Variants in FDXR observed in about 807,000 individuals in gnomAD.
The protein encoded by FDXR is ferredoxin reductase.
FDXR carries 38 observed loss-of-function variants against 58.3 expected under a neutral mutation model. The observed-to-expected ratio is 0.65, with a 90% CI of 0.50 to 0.85. FDXR has a LOEUF of 0.85. Among genes scored for constraint, FDXR ranks in the 40% least tolerant of loss-of-function variants. The pLI is 0.00. For missense variants in FDXR, 624 were observed against 671.0 expected, an observed-to-expected ratio of 0.93 and a Z score of 0.77; for synonymous variants, 275 against 273.8, an observed-to-expected ratio of 1.00 and a Z score of -0.04.
At chr17:74,872,699 G>T (rs1391976614) in intron 1 of FDXR, 167 bp downstream of exon 1, 11 of 1,427,886 alleles carry the variant, frequency 7.7e-6, no homozygotes, top group Non-Finnish European at 1.0e-5. Context: ...CACATCTCAC[G>T]CACAGATCTC....
chr17:74,872,888 C>T lies in FDXR; in HGVS notation c.57G>A (p.Leu19=), dbSNP rs2038421722. 6.5e-7 allele frequency: 1 copy of T among 1,550,376 alleles called. No individual in the cohort carries two copies. The change falls in exon 1 of 12, where the codon CTG becomes CTA. Residue 19 remains leucine, a synonymous_variant. Coordinates refer to ENST00000293195, the MANE Select transcript of FDXR (RefSeq NM_024417.5). ...WGWSAWPRTR[L]PPAGSTPSFC... is the part of the protein sequence containing the mutation. ...TACTCGGGGTGCTCCCGGCGGGAGGCAGCCGGGTCCGAGGCCACGCCGACC... is the reference window on the plus strand; with the variant it reads ...TACTCGGGGTGCTCCCGGCGGGAGGTAGCCGGGTCCGAGGCCACGCCGACC...
Position 74,872,639 on chromosome 17 carries a change from A to C in FDXR, c.79+227T>G, listed in dbSNP as rs1023262981. The C allele has an allele frequency of 5.2e-6, 5 of 953,848 alleles. No homozygotes were observed. In the African/African-American group the frequency reaches 6.6e-5, roughly 13 times the overall value. 59.1% of individuals were successfully genotyped at this position (953,848 alleles called of 1,614,324 possible). ...CCCGTCTCACACCTGTAGATCTCAA[A>C]GTCTCTCCTTTTCACCTTTGTTGAC... On this transcript the variant is annotated intron_variant, in intron 1 of 11. Coordinates refer to ENST00000293195, the MANE Select transcript of FDXR (RefSeq NM_024417.5).
rs905714734 is a variant in FDXR, at chr17:74,868,517, C to T, written c.178-1641G>A. 4.1e-6 allele frequency: 6 copies of T among 1,451,906 alleles called. No individual in the cohort carries two copies. In the African/African-American group the frequency reaches 5.6e-5, roughly 14 times the overall value. 89.9% of individuals were successfully genotyped at this position (1,451,906 alleles called of 1,614,324 possible). A position where few individuals can be genotyped will look rare whatever the true frequency, so the allele number is the denominator to read the frequency against. On this transcript the variant is annotated intron_variant, in intron 2 of 11. Transcript: ENST00000293195. ...CAGCATAAAGTTCAAACTGCTCGGC[C>T]TAGAGGTCAACACCTCACCCAACCA... is the stretch of plus-strand genomic sequence containing the variant.
At chr17:74,868,550 T>C in intron 2 of FDXR, 1 of 1,532,980 alleles carries the variant, frequency 6.5e-7, no homozygotes, top group South Asian at 1.2e-5. Context: ...CCAACCTCTC[T>C]GTCCTTATCT....
intron 2 of FDXR, chr17:74,868,653 C>G: frequency 6.5e-7 from 1 of 1,535,606 alleles, no homozygotes; most frequent in Admixed American, 2.0e-5. Context: ...ATGTTCTTAC[C>G]CCTTATCTCT....
In FDXR at chr17:74,862,863, TC is replaced by T. The variant is rs1452329282; in HGVS notation, c.1429del (p.Glu477ArgfsTer47). The T allele has an allele frequency of 1.9e-6, 3 of 1,613,052 alleles. No homozygotes were observed. Among genetic ancestry groups the T allele is most frequent in the Non-Finnish European group, 2.5e-6 (3 of 1,179,978 alleles). On this transcript the variant is annotated frameshift_variant, in exon 12 of 12. Coordinates refer to ENST00000293195, the MANE Select transcript of FDXR (RefSeq NM_024417.5). LOFTEE classifies it high-confidence loss of function. ...CATCTCCTGAGGATCCACCAGCTTC[TC>T]CCTGGGCTTCCCCGTGCCCTGGCCC... is the stretch of plus-strand genomic sequence containing the variant. ...ARGQGTGKPR[E>X]KLVDPQEMLR... is the part of the protein sequence containing the mutation.
rs1427849869 is a variant in FDXR, at chr17:74,862,936, C to A, written c.1357G>T (p.Val453Phe). The A allele has an allele frequency of 5.0e-6, 8 of 1,612,102 alleles. No individual in the cohort carries two copies. In the East Asian group the frequency reaches 1.8e-4, roughly 36 times the overall value. ...ALLSSRGVRP[V>F]SFSDWEKLDA... is the part of the protein sequence containing the mutation. ...AGCTTCTCCCAGTCTGAGAAAGAGA[C>A]TGGCCGGACCCCTGAAGCAGAGGGG... Residue 453 changes from valine to phenylalanine, a missense_variant, in exon 12 of 12, where the codon GTC (valine) becomes TTC (phenylalanine). Transcript: ENST00000293195.
In FDXR at chr17:74,866,894, G is replaced by GGGGA. The variant is rs2038208073; in HGVS notation, c.178-19_178-18insTCCC. ...TGGGGGTGCTGCTGGGGAACAGGGT[G>GGGGA]GCAGCTGGTGGGGCCGAGAGAGAGA... On this transcript the variant is annotated intron_variant, in intron 2 of 11. Coordinates refer to ENST00000293195, the MANE Select transcript of FDXR (RefSeq NM_024417.5). 6 of 1,611,806 alleles carry GGGGA rather than the reference G, an allele frequency of 3.7e-6. No individual in the cohort carries two copies. Among genetic ancestry groups the GGGGA allele is most frequent in the Non-Finnish European group, 5.1e-6 (6 of 1,179,016 alleles).
chr17:74,866,608 G>C (rs1181129102), intron 3 of FDXR, 40 bp from the exon 4 acceptor site: 1 of 1,612,938 alleles, frequency 6.2e-7, no homozygotes, highest in South Asian at 1.1e-5. Flanking sequence ...TAGAGGGTAA[G>C]GCAGCTCCAG....
chr17:74,863,394 T>G (rs1598512171), intron 10 of FDXR, 148 bp from the exon 11 acceptor site: 1 of 756,268 alleles, frequency 1.3e-6, no homozygotes, highest in Non-Finnish European at 2.1e-6. Context: ...TGGCCGCTGG[T>G]CCACTGCCCT....
At chr17:74,863,817 T>G in intron 10 of FDXR, 79 bp downstream of exon 10, 1 of 1,517,918 alleles carries the variant, frequency 6.6e-7, no homozygotes, top group East Asian at 2.3e-5. Context: ...GCTAGATGAA[T>G]GAACGCATGG....
intron 2 of FDXR, chr17:74,868,714 C>T: frequency 6.6e-7 from 1 of 1,525,482 alleles, no homozygotes; most frequent in Non-Finnish European, 8.8e-7. Flanking sequence ...TCCCTCCCTC[C>T]TGTCCCTCTA....
At chr17:74,866,410 C>G in intron 4 of FDXR, 36 bp downstream of exon 4, 1 of 1,609,218 alleles carries the variant, frequency 6.2e-7, no homozygotes, top group Non-Finnish European at 8.5e-7. Context: ...CTTCTGCAGC[C>G]CCTGCCTCCC....
chr17:74,864,550 C>A lies in FDXR; in HGVS notation c.732G>T (p.Met244Ile). ...TGGGCCGGGCTCCCGGTAACTGAAT[C>A]ATCTCCCGAAGCTCCTTGAAGGTGG... ...VAFTIKELRE[M>I]IQLPGARPIL... The change falls in exon 8 of 12, where the codon ATG becomes ATT. Residue 244 changes from methionine to isoleucine, a missense_variant. Met to Ile is a conservative substitution (Grantham distance 10, BLOSUM62 1). Transcript: ENST00000293195. The A allele has an allele frequency of 6.2e-7, 1 of 1,614,052 alleles. No individual in the cohort carries two copies. The highest frequency in any genetic ancestry group is 1.1e-5 in the South Asian group (1 of 91,042).
intron 8 of FDXR, 57 bp downstream of exon 8, chr17:74,864,423 C>T: frequency 1.2e-6 from 2 of 1,609,512 alleles, no homozygotes; most frequent in Non-Finnish European, 1.7e-6. Flanking sequence ...CCCAATCCCT[C>T]TCTGACCTAG....
intron 2 of FDXR, 62 bp downstream of exon 2, chr17:74,871,974 G>C: frequency 7.5e-7 from 1 of 1,337,572 alleles, no homozygotes; most frequent in South Asian, 1.4e-5. Flanking sequence ...CCCAAAGCGG[G>C]TGAGGCTTGC....
Position 74,864,041 on chromosome 17 carries a change from C to T in FDXR, c.1029G>A (p.Val343=), listed in dbSNP as rs1443590443. Residue 343 remains valine, a synonymous_variant, in exon 10 of 12, where the codon GTG becomes GTA. Coordinates refer to ENST00000293195, the MANE Select transcript of FDXR (RefSeq NM_024417.5). ...LEGVDEATRA[V]PTGDMEDLPC... ...GGAGGTCTTCCATGTCTCCCGTGGG[C>T]ACTGCACGGGTGGCCTCATCGACAC... The T allele has an allele frequency of 1.2e-6, 2 of 1,614,000 alleles. No individual in the cohort carries two copies. Among genetic ancestry groups the T allele is most frequent in the South Asian group, 1.1e-5 (1 of 91,086 alleles).
chr17:74,869,380 C>T (rs1045163196), intron 2 of FDXR, among the ~76,000 whole-genome samples: 8 of 152,162 alleles, frequency 5.3e-5, no homozygotes, highest in Non-Finnish European at 1.2e-4. Flanking sequence ...CACCTCCCAG[C>T]GAAACCTGCC....
At chr17:74,869,186 C>A (rs1488086291) in intron 2 of FDXR, among the ~76,000 whole-genome samples, 1 of 152,152 alleles carries the variant, frequency 6.6e-6, no homozygotes, top group Admixed American at 6.5e-5. Flanking sequence ...AACAGCAGCC[C>A]GAAAACTCTC....
Sources: gnomAD v4.1 joint callset for allele counts (sites outside exome capture counted in the v4.1 genomes callset) on GRCh38, gnomAD v4.1.1 for gene constraint, MANE v1.5 for transcripts, NCBI Gene and HGNC (gene_info 2026-07-23, HGNC 2026-07-21) for gene names.